Variants in ALDH1L1 observed in about 807,000 individuals in gnomAD.
ALDH1L1 encodes the protein aldehyde dehydrogenase 1 family member L1, also known as cytosolic 10-formyltetrahydrofolate dehydrogenase.
A neutral mutation model predicts 101.1 loss-of-function variants in ALDH1L1; 68 were observed. That is an observed-to-expected ratio of 0.67 (90% CI 0.55 to 0.82). The LOEUF is 0.82. Among genes scored for constraint, ALDH1L1 ranks in the 40% least tolerant of loss-of-function variants. The pLI is 0.00. For synonymous variants in ALDH1L1, 486 were observed against 470.8 expected (o/e 1.03, Z -0.42); for missense variants, 1,087 against 1,172.7 (o/e 0.93, Z 1.07).
At chr3:126,168,449 C>T (rs2081209944) in intron 1 of ALDH1L1, among the ~76,000 whole-genome samples, 1 of 152,008 alleles carries the variant, frequency 6.6e-6, no homozygotes, top group African/African-American at 2.4e-5. Context: ...ATTTAACTTT[C>T]TCTCTTAAAC....
intron 1 of ALDH1L1, among the ~76,000 whole-genome samples, chr3:126,175,653 A>G (rs2081354143): frequency 6.6e-6 from 1 of 152,156 alleles, no homozygotes; most frequent in African/African-American, 2.4e-5. Context: ...ACATTCATTT[A>G]TGATAAGAGC....
At position 126,125,575 on chromosome 3, in the gene ALDH1L1, C is replaced by T. The variant is rs775418772; in HGVS notation, c.1800+41G>A. 3.5e-6 allele frequency: 5 copies of T among 1,421,398 alleles called. No homozygotes were observed. In the South Asian group the frequency reaches 7.8e-5, roughly 22 times the overall value. 88.0% of individuals were successfully genotyped at this position (1,421,398 alleles called of 1,614,324 possible). On this transcript the variant is annotated intron_variant, in intron 15 of 22. Coordinates refer to ENST00000393434, the MANE Select transcript of ALDH1L1 (RefSeq NM_012190.4). ...TTATAGAGTGAGTTCCTGATCCTCT[C>T]TGTGGCCTGCAGGCCCTGTCCAGAG...
At chr3:126,111,425 C>A (rs760357107) in intron 19 of ALDH1L1, among the ~76,000 whole-genome samples, 8 of 152,250 alleles carry the variant, frequency 5.3e-5, no homozygotes, top group Non-Finnish European at 1.2e-4. Flanking sequence ...GCCCCGCTGC[C>A]CCTGAGTCTC....
At chr3:126,171,283 C>A (rs1267230644) in intron 1 of ALDH1L1, among the ~76,000 whole-genome samples, 1 of 152,128 alleles carries the variant, frequency 6.6e-6, no homozygotes, top group Non-Finnish European at 1.5e-5. Flanking sequence ...AGCGACAGAG[C>A]GAGACTCTGT....
Position 126,137,015 on chromosome 3 carries a change from C to G in ALDH1L1, c.1225-132G>C, listed in dbSNP as rs561410945. 3.0e-6 allele frequency: 4 copies of G among 1,326,182 alleles called. No homozygotes were observed. The South Asian group carries it at 4.4e-5, about 15-fold the overall frequency. The allele number at this position is 1,326,182 out of a possible 1,614,324, so 82.2% of individuals were successfully genotyped here. ...CTTCAGAGCTGCATGTAGGCAACAG[C>G]TGAGCAGGGGAGAGACAAAGGACAG... On this transcript the variant is annotated intron_variant, in intron 10 of 22. Coordinates refer to ENST00000393434, the MANE Select transcript of ALDH1L1 (RefSeq NM_012190.4).
At chr3:126,118,821 G>A (rs964482073) in intron 16 of ALDH1L1, among the ~76,000 whole-genome samples, 1 of 152,028 alleles carries the variant, frequency 6.6e-6, no homozygotes, top group Non-Finnish European at 1.5e-5. Flanking sequence ...GCCACCTGCT[G>A]TTCCTCCCAG....
chr3:126,180,742 G>A (rs1576506586), upstream of ALDH1L1: 1 of 1,423,268 alleles, frequency 7.0e-7, no homozygotes, highest in Non-Finnish European at 9.2e-7. Flanking sequence ...TAAATGCCAT[G>A]TAAAAGCCAA....
chr3:126,142,274 G>A (rs538864681), intron 9 of ALDH1L1, among the ~76,000 whole-genome samples: 1 of 152,258 alleles, frequency 6.6e-6, no homozygotes, highest in South Asian at 2.1e-4. Context: ...CATTTGAAGG[G>A]AAAGTAACAC....
At chr3:126,115,017 T>C in intron 17 of ALDH1L1, 2 of 459,366 alleles carry the variant, frequency 4.4e-6, no homozygotes, top group Non-Finnish European at 8.7e-6. Flanking sequence ...CTCTACTGCA[T>C]GTTGACCTCT....
At chr3:126,166,896 C>G (rs1308726717) in intron 1 of ALDH1L1, among the ~76,000 whole-genome samples, 1 of 152,180 alleles carries the variant, frequency 6.6e-6, no homozygotes, top group Non-Finnish European at 1.5e-5. Flanking sequence ...AAATGCCCCT[C>G]TGTCATATAG....
At chr3:126,168,528 T>G (rs1342009409) in intron 1 of ALDH1L1, among the ~76,000 whole-genome samples, 1 of 152,156 alleles carries the variant, frequency 6.6e-6, no homozygotes, top group Non-Finnish European at 1.5e-5. Flanking sequence ...CTCATCATTT[T>G]AGCAAAACAA....
chr3:126,138,092 GA>G (rs919066448), intron 9 of ALDH1L1, 132 bp from the exon 10 acceptor site: 2 of 1,152,702 alleles, frequency 1.7e-6, no homozygotes, highest in African/African-American at 3.1e-5. Flanking sequence ...CATGAGCCCA[GA>G]ACTGGGGAGA....
intron 11 of ALDH1L1, among the ~76,000 whole-genome samples, 187 bp from the exon 12 acceptor site, chr3:126,135,849 C>A (rs112492709): frequency 0.06 from 9,155 of 152,202 alleles, 869 homozygotes; most frequent in African/African-American, 0.21. Context: ...AAGACAGGGC[C>A]CTGGGAGAGG....
chr3:126,130,380 G>A (rs1217417929), intron 13 of ALDH1L1, 87 bp from the exon 14 acceptor site: 1 of 1,288,344 alleles, frequency 7.8e-7, no homozygotes, highest in Non-Finnish European at 1.0e-6. Context: ...AGGGTCTCCA[G>A]GAGGAAGTCA....
At chr3:126,162,115 G>A (rs999494622) in intron 1 of ALDH1L1, among the ~76,000 whole-genome samples, 1 of 152,070 alleles carries the variant, frequency 6.6e-6, no homozygotes, top group African/African-American at 2.4e-5. Flanking sequence ...TCATTCTATT[G>A]TTAATGGAAT....
In ALDH1L1 at chr3:126,157,408, G is replaced by A; in HGVS notation, c.463C>T (p.Leu155Phe). The A allele has an allele frequency of 6.2e-7, 1 of 1,614,114 alleles. No homozygotes were observed. The highest frequency in any genetic ancestry group is 8.5e-7 in the Non-Finnish European group (1 of 1,180,006). Residue 155 changes from leucine to phenylalanine, a missense_variant, in exon 4 of 23, where the codon CTC (leucine) becomes TTC (phenylalanine). Physicochemically the swap from Leu to Phe is conservative, Grantham distance 22. Around this residue, in one of 2 missense-constraint regions of ALDH1L1, gnomAD observed 645 missense variants for 637.0 expected, o/e 1.01. Transcript: ENST00000393434. ...DLLLQKECEV[L>F]PDDTVSTLYN... is the part of the protein sequence containing the mutation. ...AGCGTGCTCACGGTGTCGTCCGGGA[G>A]CACCTCACACTCCTTCTGCAGCAGC...
At chr3:126,132,666 A>C (rs2080338134) in intron 12 of ALDH1L1, among the ~76,000 whole-genome samples, 1 of 152,078 alleles carries the variant, frequency 6.6e-6, no homozygotes. Context: ...TGGGAAGCCG[A>C]CCCAAATCCC....
chr3:126,125,648 C>T lies in ALDH1L1; in HGVS notation c.1768G>A (p.Ala590Thr). ...GGCTTGATCACCACTGTGTTCCCGG[C>T]AGCCAGGCAGGCAGCTGTCTTCCAG... Reference protein sequence around the residue: ...LSWKTAACLAAGNTVVIKPAQ... With the variant: ...LSWKTAACLATGNTVVIKPAQ... Residue 590 changes from alanine to threonine, a missense_variant, in exon 15 of 23, where the codon GCC (alanine) becomes ACC (threonine). Ala to Thr is a moderately conservative substitution (Grantham distance 58). This residue lies in a region of ALDH1L1 where 442 missense variants were observed against 535.7 expected (regional missense o/e 0.83). Transcript: ENST00000393434. The T allele has an allele frequency of 1.3e-6, 2 of 1,599,184 alleles. No individual in the cohort carries two copies. The highest frequency in any genetic ancestry group is 1.7e-6 in the Non-Finnish European group (2 of 1,171,900).
At chr3:126,173,351 A>G (rs2081316443) in intron 1 of ALDH1L1, among the ~76,000 whole-genome samples, 1 of 152,202 alleles carries the variant, frequency 6.6e-6, no homozygotes, top group Admixed American at 6.5e-5. Context: ...CCCTTACACT[A>G]CCCATAAAGT....
Sources: gnomAD v4.1 joint callset for allele counts (sites outside exome capture counted in the v4.1 genomes callset) on GRCh38, gnomAD v4.1.1 for gene constraint, gnomAD v4.1.1 regional missense constraint, MANE v1.5 for transcripts, NCBI Gene and HGNC (gene_info 2026-07-23, HGNC 2026-07-21) for gene names.